PLEKHM3: variants seen among roughly 807,000 people sequenced by gnomAD.
The protein encoded by PLEKHM3 is pleckstrin homology domain-containing family M member 3.
Under a neutral mutation model 81.8 loss-of-function variants are expected in PLEKHM3, and 45 were observed. That is an observed-to-expected ratio of 0.55 (90% CI 0.43 to 0.71). The LOEUF is 0.71. Ranked by LOEUF, PLEKHM3 falls within the 30% of genes least tolerant of loss-of-function variation. The probability of loss-of-function intolerance (pLI) is 0.00; values close to 1 mark genes in which losing one functional copy is unlikely to be tolerated. For synonymous variants in PLEKHM3, 352 were observed against 356.4 expected (o/e 0.99, Z 0.14); for missense variants, 788 against 924.3 (o/e 0.85, Z 1.91).
rs147946883 is a variant in PLEKHM3 at position 207,974,392 on chromosome 2, C to T, written c.1546+2259G>A. 4.6e-5 allele frequency among the ~76,000 whole-genome samples: 7 copies of T among 152,336 alleles called. No homozygotes were observed. The East Asian group carries it at 1.2e-3, about 25-fold the overall frequency. ...CAGTGCAGAGCATGGGCAGTGCACA[C>T]TCCATCAGAAGGCACACTTCTGAGA... is the stretch of plus-strand genomic sequence containing the variant. On this transcript the variant is annotated intron_variant, in intron 3 of 7. Transcript: ENST00000427836.
At chr2:207,966,072 T>G (rs2106007483) in intron 3 of PLEKHM3, among the ~76,000 whole-genome samples, 1 of 152,312 alleles carries the variant, frequency 6.6e-6, no homozygotes, top group South Asian at 2.1e-4. Context: ...AGTTCAACTG[T>G]GTGTTATAAT....
At chr2:207,949,723 T>G (rs1313152116) in intron 3 of PLEKHM3, among the ~76,000 whole-genome samples, 1 of 152,102 alleles carries the variant, frequency 6.6e-6, no homozygotes, top group African/African-American at 2.4e-5. Flanking sequence ...GTGACCATGA[T>G]ATTGCAGAAA....
At chr2:207,935,468 G>A (rs773861864) in intron 4 of PLEKHM3, among the ~76,000 whole-genome samples, 1 of 152,182 alleles carries the variant, frequency 6.6e-6, no homozygotes, top group Non-Finnish European at 1.5e-5. Context: ...AGTTTGCTGA[G>A]CTGTGTTCTG....
chr2:207,993,501 C>CT (rs35352546), intron 2 of PLEKHM3, among the ~76,000 whole-genome samples: 3,210 of 144,374 alleles, frequency 0.022, 119 homozygotes, highest in African/African-American at 0.075. Context: ...CCAAATTTGG[C>CT]TTTTTTTTTT....
At chr2:207,909,302 A>G (rs73983631) in intron 5 of PLEKHM3, among the ~76,000 whole-genome samples, 3,483 of 152,332 alleles carry the variant, frequency 0.023, 129 homozygotes, top group African/African-American at 0.079. Flanking sequence ...TGGGTAAGCA[A>G]ACAGGTTACC....
At chr2:208,013,848 G>A (rs191424597) in intron 1 of PLEKHM3, among the ~76,000 whole-genome samples, 2 of 152,120 alleles carry the variant, frequency 1.3e-5, no homozygotes, top group South Asian at 2.1e-4. Flanking sequence ...AACAACAACC[G>A]GCTTATGGCT....
intron 4 of PLEKHM3, among the ~76,000 whole-genome samples, chr2:207,940,922 C>T (rs376818970): frequency 2.0e-5 from 3 of 152,238 alleles, no homozygotes; most frequent in African/African-American, 7.2e-5. Context: ...AGGATAGGTA[C>T]AAATATAGAT....
chr2:207,894,434 G>A (rs970605143), intron 6 of PLEKHM3, among the ~76,000 whole-genome samples: 2 of 152,102 alleles, frequency 1.3e-5, no homozygotes, highest in African/African-American at 4.8e-5. Flanking sequence ...GGGTTTTTTT[G>A]CCATGCATGG....
chr2:207,854,759 A>G (rs559001391), intron 7 of PLEKHM3, among the ~76,000 whole-genome samples: 1 of 152,348 alleles, frequency 6.6e-6, no homozygotes, highest in African/African-American at 2.4e-5. Flanking sequence ...GCATCTGATC[A>G]AGGAAGAAGG....
intron 6 of PLEKHM3, among the ~76,000 whole-genome samples, chr2:207,905,095 A>C (rs1162263059): frequency 1.3e-5 from 2 of 152,218 alleles, no homozygotes; most frequent in Admixed American, 6.5e-5. Flanking sequence ...TTAACTTAAG[A>C]GAAATGTGTA....
intron 2 of PLEKHM3, among the ~76,000 whole-genome samples, chr2:207,978,534 C>A (rs1393965412): frequency 6.6e-6 from 1 of 152,142 alleles, no homozygotes; most frequent in African/African-American, 2.4e-5. Context: ...CACAAACTCT[C>A]ATTTCTCAGA....
chr2:208,001,537 C>G lies in PLEKHM3; in HGVS notation c.103G>C (p.Glu35Gln). 1 of 1,614,212 alleles carries G rather than the reference C, an allele frequency of 6.2e-7. No homozygotes were observed. The change falls in exon 2 of 8, where the codon GAG becomes CAG. Residue 35 changes from glutamate to glutamine, a missense_variant. Coordinates refer to ENST00000427836, the MANE Select transcript of PLEKHM3 (RefSeq NM_001080475.3). The part of the protein sequence containing the change: ...SNLEKAVQQA[E>Q]VYGIQEVPEL... ...GGGACTTCCTGGATCCCATAAACCT[C>G]TGCCTGCTGCACAGCCTTTTCTAGA...
chr2:208,015,948 C>CT (rs1692895131), intron 1 of PLEKHM3, among the ~76,000 whole-genome samples: 1 of 152,218 alleles, frequency 6.6e-6, no homozygotes, highest in South Asian at 2.1e-4. Context: ...AATCCCAGCA[C>CT]TTTGGGAGGC....
At chr2:207,884,962 T>C (rs1687839042) in intron 6 of PLEKHM3, among the ~76,000 whole-genome samples, 1 of 152,216 alleles carries the variant, frequency 6.6e-6, no homozygotes, top group Admixed American at 6.5e-5. Context: ...GCCATCATCA[T>C]GTGCTGCTGA....
chr2:207,898,427 A>G (rs190431139), intron 6 of PLEKHM3, among the ~76,000 whole-genome samples: 693 of 152,280 alleles, frequency 4.6e-3, no homozygotes, highest in Non-Finnish European at 6.7e-3. Context: ...CAATCAACAT[A>G]GCTCTATTCT....
At chr2:207,924,283 C>G (rs1412170743) in intron 5 of PLEKHM3, among the ~76,000 whole-genome samples, 5 of 152,100 alleles carry the variant, frequency 3.3e-5, no homozygotes, top group Non-Finnish European at 7.4e-5. Context: ...ACATAACAAA[C>G]TAGTGAGTGA....
At position 207,977,093 on chromosome 2, in the gene PLEKHM3, G is replaced by A; in HGVS notation, c.1104C>T (p.Leu368=). The change falls in exon 3 of 8, where the codon CTC becomes CTT. Residue 368 remains leucine, a synonymous_variant. Coordinates refer to ENST00000427836, the MANE Select transcript of PLEKHM3 (RefSeq NM_001080475.3). ...AGTTGTTTTGGACAGTCAGCCTGTA[G>A]AGAGTCCCTGATTTGAGGATGTTTT... ...QYQNILKSGT[L]YRLTVQNNWK... 6.2e-7 allele frequency: 1 copy of A among 1,614,200 alleles called. No individual in the cohort carries two copies. The highest frequency in any genetic ancestry group is 8.5e-7 in the Non-Finnish European group (1 of 1,180,030).
At chr2:207,996,786 CA>C (rs1042675045) in intron 2 of PLEKHM3, among the ~76,000 whole-genome samples, 5 of 151,032 alleles carry the variant, frequency 3.3e-5, no homozygotes, top group South Asian at 4.2e-4. Flanking sequence ...CATTTTATAA[CA>C]AAAAAAAACT....
intron 7 of PLEKHM3, among the ~76,000 whole-genome samples, chr2:207,854,081 A>AT (rs56112035): frequency 3.3e-5 from 5 of 150,780 alleles, no homozygotes; most frequent in South Asian, 4.2e-4. Flanking sequence ...CCAGCCCTGA[A>AT]TTTTTTTTTT....
Sources: allele counts gnomAD v4.1 joint callset (sites outside exome capture counted in the v4.1 genomes callset), GRCh38; gene constraint gnomAD v4.1.1; transcripts MANE v1.5; gene names NCBI Gene and HGNC (gene_info 2026-07-23, HGNC 2026-07-21).